LAG3: variants seen among roughly 807,000 people sequenced by gnomAD.
LAG3 encodes lymphocyte activation gene 3 protein.
In LAG3, 29 loss-of-function variants were observed where a neutral mutation model predicts 49.0. The observed-to-expected ratio is 0.59, with a 90% CI of 0.44 to 0.81. The LOEUF is 0.81. Ranked by LOEUF, LAG3 falls within the 30% of genes least tolerant of loss-of-function variation. LAG3 has a pLI of 0.00. For synonymous variants in LAG3, 320 were observed against 297.3 expected (o/e 1.08, Z -0.79); for missense variants, 693 against 695.2 (o/e 1.00, Z 0.04).
chr12:6,777,347 G>A lies in LAG3; in HGVS notation c.1141G>A (p.Val381Met). 1 of 1,614,222 alleles carries A rather than the reference G, an allele frequency of 6.2e-7. No homozygotes were observed. Among genetic ancestry groups the A allele is most frequent in the South Asian group, 1.1e-5 (1 of 91,082 alleles). The change falls in exon 6 of 8, where the codon GTG (valine) becomes ATG (methionine). Residue 381 changes from valine (V) to methionine (M), a missense_variant. Val to Met is a conservative substitution (Grantham distance 21). Transcript: ENST00000203629. Reference protein sequence around the residue: ...VTPVSGQERFVWSSLDTPSQR... With the variant: ...VTPVSGQERFMWSSLDTPSQR... ...TCCAGTATCTGGACAAGAACGCTTT[G>A]TGTGGAGCTCTCTGGACACCCCATC...
Position 6,773,605 on chromosome 12 carries a change from G to A in LAG3, c.207-92G>A. 4.5e-6 allele frequency: 6 copies of A among 1,323,186 alleles called. No homozygotes were observed. The highest frequency in any genetic ancestry group is 2.0e-5 in the South Asian group (1 of 50,424). 82.0% of individuals were successfully genotyped at this position (1,323,186 alleles called of 1,614,324 possible). The stretch of plus-strand genomic sequence containing the variant: ...GTTGGTGGTCAAGAGAACTCTTGGG[G>A]CGGGCTTTCTCATCCTCAACGGGTG... On this transcript the variant is annotated intron_variant, in intron 2 of 7. Transcript: ENST00000203629. This position sits in a 1 kb window ranked among gnomAD's most constrained non-coding sequence, Gnocchi z 5.5.
At chr12:6,777,151 T>C in intron 5 of LAG3, 113 bp from the exon 6 acceptor site, 1 of 1,231,606 alleles carries the variant, frequency 8.1e-7, no homozygotes, top group Non-Finnish European at 1.2e-6. Flanking sequence ...TTCCCCAACC[T>C]CCCCTGGCCA....
intron 4 of LAG3, among the ~76,000 whole-genome samples, 159 bp downstream of exon 4, chr12:6,775,023 T>C (rs914685317): frequency 5.9e-5 from 9 of 152,128 alleles, no homozygotes; most frequent in Non-Finnish European, 1.2e-4. Flanking sequence ...GCTGGCAGCC[T>C]CACAGCTGCC....
chr12:6,774,036 A>G, intron 3 of LAG3, 35 bp downstream of exon 3: 2 of 1,386,878 alleles, frequency 1.4e-6, no homozygotes, highest in Non-Finnish European at 1.8e-6. Flanking sequence ...AAGGGCTGGG[A>G]GGTGGGTCCC....
Position 6,778,233 on chromosome 12 carries a change from T to A in LAG3, c.1432-11T>A. The A allele has an allele frequency of 6.4e-7, 1 of 1,571,388 alleles. No homozygotes were observed. The highest frequency in any genetic ancestry group is 1.9e-5 in the Admixed American group (1 of 52,434). On this transcript the variant is annotated splice_polypyrimidine_tract_variant and intron_variant, in intron 7 of 7. Coordinates refer to ENST00000203629, the MANE Select transcript of LAG3 (RefSeq NM_002286.6). ...TCCGCCCTCCGTCTCTCTCTCCATC[T>A]CTTCTCACAGTGGCGACCAAGACGA...
At position 6,773,162 on chromosome 12, in the gene LAG3, C is replaced by G. The variant is rs1941862209; in HGVS notation, c.59-30C>G. On this transcript the variant is annotated intron_variant, in intron 1 of 7. Coordinates refer to ENST00000203629, the MANE Select transcript of LAG3 (RefSeq NM_002286.6). The surrounding 1 kb of genome is among the most constrained non-coding windows in gnomAD (Gnocchi z 5.5). Reference sequence around the variant, plus strand: ...ACCCCTGCCTCTCGGCTCACGCCCCCTCCCCTTGGCCTCTCTTTTGCTCAC... The same window carrying G: ...ACCCCTGCCTCTCGGCTCACGCCCCGTCCCCTTGGCCTCTCTTTTGCTCAC... 1.9e-6 allele frequency: 3 copies of G among 1,589,894 alleles called. No homozygotes were observed. Among genetic ancestry groups the G allele is most frequent in the Middle Eastern group, 1.7e-4 (1 of 5,888 alleles).
intron 3 of LAG3, 74 bp downstream of exon 3, chr12:6,774,075 G>T (rs1941875684): frequency 1.5e-6 from 2 of 1,366,672 alleles, no homozygotes; most frequent in African/African-American, 1.5e-5. Context: ...ACGCAGGAAG[G>T]GCTGGGGCAG....
intron 3 of LAG3, 49 bp from the exon 4 acceptor site, chr12:6,774,546 G>A (rs1422141461): frequency 6.3e-7 from 1 of 1,574,872 alleles, no homozygotes; most frequent in Admixed American, 1.8e-5. Flanking sequence ...CTGCTGTGTT[G>A]GGAAATTGTT....
Position 6,777,516 on chromosome 12 carries a change from C to A in LAG3, c.1300+10C>A. On this transcript the variant is annotated intron_variant, in intron 6 of 7. Coordinates refer to ENST00000203629, the MANE Select transcript of LAG3 (RefSeq NM_002286.6). ...GAGCTGTCTAGCCCAGGTCCGAGGCCCCAGAATGCCAGGACCCAAACGCCA... is the reference window on the plus strand; with the variant it reads ...GAGCTGTCTAGCCCAGGTCCGAGGCACCAGAATGCCAGGACCCAAACGCCA... 2.5e-6 allele frequency: 4 copies of A among 1,611,318 alleles called. No homozygotes were observed. Among genetic ancestry groups the A allele is most frequent in the Non-Finnish European group, 3.4e-6 (4 of 1,178,644 alleles).
chr12:6,778,109 G>T, intron 7 of LAG3, 135 bp from the exon 8 acceptor site: 1 of 1,308,504 alleles, frequency 7.6e-7, no homozygotes, highest in South Asian at 1.3e-5. Context: ...AGGGGGGTTG[G>T]GAGAAAGCCA....
chr12:6,777,496 G>C lies in LAG3; in HGVS notation c.1290G>C (p.Leu430=). ...LLGAAVYFTE[L]SSPGAQRSGR... is the part of the protein sequence containing the mutation. The stretch of plus-strand genomic sequence containing the variant: ...GAGCAGCAGTGTACTTCACAGAGCT[G>C]TCTAGCCCAGGTCCGAGGCCCCAGA... Residue 430 remains leucine (L), a synonymous_variant, in exon 6 of 8, where the codon CTG becomes CTC. Transcript: ENST00000203629. 6.2e-7 allele frequency: 1 copy of C among 1,613,616 alleles called. No individual in the cohort carries two copies. Among genetic ancestry groups the C allele is most frequent in the East Asian group, 2.2e-5 (1 of 44,876 alleles).
Position 6,777,629 on chromosome 12 carries a change from C to T in LAG3, c.1300+123C>T, listed in dbSNP as rs1941923467. On this transcript the variant is annotated intron_variant, in intron 6 of 7. Transcript: ENST00000203629. ...TTCCAGTCAGGGACCTGATCTCTGG[C>T]TTTTGCCTAGGGTTGACCCGTTTCC... 2.7e-6 allele frequency: 4 copies of T among 1,477,112 alleles called. No homozygotes were observed. The South Asian group carries it at 3.7e-5, about 14-fold the overall frequency. 91.5% of individuals were successfully genotyped at this position (1,477,112 alleles called of 1,614,324 possible). A position where few individuals can be genotyped will look rare whatever the true frequency, so the allele number is the denominator to read the frequency against.
rs760215331 is a variant in LAG3 at position 6,774,700 on chromosome 12, G to C, written c.617G>C (p.Arg206Pro). 22 of 1,613,936 alleles carry C rather than the reference G, an allele frequency of 1.4e-5. No individual in the cohort carries two copies. The highest frequency in any genetic ancestry group is 1.1e-4 in the South Asian group (10 of 91,080). The change falls in exon 4 of 8, where the codon CGG (arginine) becomes CCG (proline). Residue 206 changes from arginine (R) to proline (P), a missense_variant. Coordinates refer to ENST00000203629, the MANE Select transcript of LAG3 (RefSeq NM_002286.6). ...GCCTCTGTGCATTGGTTCCGGAACC[G>C]GGGCCAGGGCCGAGTCCCTGTCCGG... ...RPASVHWFRN[R>P]GQGRVPVRES...
chr12:6,774,909 GC>G, intron 4 of LAG3, 45 bp downstream of exon 4: 3 of 1,565,880 alleles, frequency 1.9e-6, no homozygotes, highest in Non-Finnish European at 8.7e-7. Context: ...ACTCCTTCCT[GC>G]CCCCCTTGTC....
In LAG3 at chr12:6,773,271, C is replaced by T. The variant is rs749087540; in HGVS notation, c.138C>T (p.Pro46=). Residue 46 remains proline, a synonymous_variant, in exon 2 of 8, where the codon CCC becomes CCT. Coordinates refer to ENST00000203629, the MANE Select transcript of LAG3 (RefSeq NM_002286.6). This position sits in a 1 kb window ranked among gnomAD's most constrained non-coding sequence, Gnocchi z 5.5. ...EGAPAQLPCS[P]TIPLQDLSLL... is the part of the protein sequence containing the mutation. Reference sequence around the variant, plus strand: ...CTCCTGCCCAGCTCCCCTGCAGCCCCACAATCCCCCTCCAGGATCTCAGCC... The same window carrying T: ...CTCCTGCCCAGCTCCCCTGCAGCCCTACAATCCCCCTCCAGGATCTCAGCC... 7 of 1,613,570 alleles carry T rather than the reference C, an allele frequency of 4.3e-6. No individual in the cohort carries two copies. The highest frequency in any genetic ancestry group is 4.0e-5 in the African/African-American group (3 of 74,904).
At chr12:6,777,167 CAAGT>C (rs1388473968) in intron 5 of LAG3, 93 bp from the exon 6 acceptor site, 7 of 1,461,766 alleles carry the variant, frequency 4.8e-6, no homozygotes, top group Non-Finnish European at 6.6e-6. Flanking sequence ...GGCCAGAACC[CAAGT>C]GAGTGCAGGG....
At position 6,774,872 on chromosome 12, in the gene LAG3, C is replaced by A. The variant is rs538941294; in HGVS notation, c.781+8C>A. 6.2e-7 allele frequency: 1 copy of A among 1,604,592 alleles called. No homozygotes were observed. Among genetic ancestry groups the A allele is most frequent in the Non-Finnish European group, 8.5e-7 (1 of 1,172,832 alleles). On this transcript the variant is annotated splice_region_variant and intron_variant, in intron 4 of 7. Coordinates refer to ENST00000203629, the MANE Select transcript of LAG3 (RefSeq NM_002286.6). ...ATAACCTCACTGTTCTGGGTAACTC[C>A]CCCACTCTGCTTCACATTTGACCAC...
rs1941871695 is a variant in LAG3, at chr12:6,773,822, G to A, written c.332G>A (p.Ser111Asn). 1 of 1,403,960 alleles carries A rather than the reference G, an allele frequency of 7.1e-7. No individual in the cohort carries two copies. Among genetic ancestry groups the A allele is most frequent in the African/African-American group, 1.5e-5 (1 of 66,338 alleles). The allele number at this position is 1,403,960 out of a possible 1,614,324, so 87.0% of individuals were successfully genotyped here. A position where few individuals can be genotyped will look rare whatever the true frequency, so the allele number is the denominator to read the frequency against. The change falls in exon 3 of 8, where the codon AGC (serine) becomes AAC (asparagine). Residue 111 changes from serine to asparagine, a missense_variant. Ser to Asn is a conservative substitution (Grantham distance 46, BLOSUM62 1). Coordinates refer to ENST00000203629, the MANE Select transcript of LAG3 (RefSeq NM_002286.6). The surrounding 1 kb of genome is among the most constrained non-coding windows in gnomAD (Gnocchi z 5.5). ...VLSVGPGGLR[S>N]GRLPLQPRVQ... ...AGCGTGGGTCCCGGAGGCCTGCGCA[G>A]CGGGAGGCTGCCCCTGCAGCCCCGC...
intron 6 of LAG3, 46 bp downstream of exon 6, chr12:6,777,552 C>T: frequency 6.3e-7 from 1 of 1,593,778 alleles, no homozygotes; most frequent in South Asian, 1.1e-5. Flanking sequence ...CAGCAATAAT[C>T]TTTATCCTCC....
Sources: gnomAD v4.1 joint callset for allele counts (sites outside exome capture counted in the v4.1 genomes callset) on GRCh38, gnomAD v4.1.1 for gene constraint, Gnocchi (gnomAD v3.1) non-coding constraint, MANE v1.5 for transcripts, NCBI Gene and HGNC (gene_info 2026-07-23, HGNC 2026-07-21) for gene names.